Variants in TMEM200A observed in about 807,000 individuals in gnomAD.
The protein encoded by TMEM200A is transmembrane protein 200A.
A neutral mutation model predicts 24.3 loss-of-function variants in TMEM200A; 12 were observed. The ratio of observed to expected loss-of-function variants is 0.49; its 90% confidence interval spans 0.32 to 0.80. The LOEUF is 0.80. Ranked by LOEUF, TMEM200A falls within the 30% of genes least tolerant of loss-of-function variation. TMEM200A has a pLI of 0.04. For missense variants in TMEM200A, 545 were observed against 614.4 expected (o/e 0.89, Z 1.19); for synonymous variants, 224 against 224.4 (o/e 1.00, Z 0.02).
At position 130,440,997 on chromosome 6, in the gene TMEM200A, C is replaced by A. The variant is rs775314072; in HGVS notation, c.575C>A (p.Thr192Lys). 3.1e-6 allele frequency: 5 copies of A among 1,613,828 alleles called. No individual in the cohort carries two copies. In the Admixed American group the frequency reaches 8.3e-5, roughly 27 times the overall value. The change falls in exon 3 of 3, where the codon ACA (threonine) becomes AAA (lysine). Residue 192 changes from threonine (T) to lysine (K), a missense_variant. Thr to Lys is a moderately conservative substitution (Grantham distance 78). Transcript: ENST00000296978. ...NGMYTGLMGETEVKQNGSSCA... is the reference protein window; with the variant it reads ...NGMYTGLMGEKEVKQNGSSCA... ...ATGTACACTGGTTTGATGGGAGAAA[C>A]AGAAGTAAAACAGAATGGGAGCTCC... is the stretch of plus-strand genomic sequence containing the variant.
At chr6:130,414,763 T>C (rs1315258951) in intron 2 of TMEM200A, among the ~76,000 whole-genome samples, 1 of 152,212 alleles carries the variant, frequency 6.6e-6, no homozygotes. Flanking sequence ...ATTCAATAAA[T>C]GTCATTTGAA....
At chr6:130,403,608 CCTT>C (rs1051297660) in intron 2 of TMEM200A, among the ~76,000 whole-genome samples, 4 of 151,330 alleles carry the variant, frequency 2.6e-5, no homozygotes, top group Non-Finnish European at 4.4e-5. Context: ...TTGAGTAAAT[CCTT>C]CTTATTTCAG....
In TMEM200A at chr6:130,441,965, T is replaced by TTAAAG; in HGVS notation, c.*70_*74dup. 7.0e-7 allele frequency: 1 copy of TTAAAG among 1,430,094 alleles called. No individual in the cohort carries two copies. The highest frequency in any genetic ancestry group is 2.4e-5 in the East Asian group (1 of 42,484). The allele number at this position is 1,430,094 out of a possible 1,614,324, so 88.6% of individuals were successfully genotyped here. A position where few individuals can be genotyped will look rare whatever the true frequency, so the allele number is the denominator to read the frequency against. On this transcript the variant is annotated 3_prime_UTR_variant, in exon 3 of 3. Coordinates refer to ENST00000296978, the MANE Select transcript of TMEM200A (RefSeq NM_001258277.2). Reference sequence around the variant, plus strand: ...AACGATTTTCACTGGTGTTTCCTTCTTAAAGTATTGGCTGTAAGCCTTTTT... The same window carrying TTAAAG: ...AACGATTTTCACTGGTGTTTCCTTCTTAAAGTAAAGTATTGGCTGTAAGCCTTTTT...
intron 2 of TMEM200A, among the ~76,000 whole-genome samples, chr6:130,412,869 T>C (rs574305380): frequency 6.6e-6 from 1 of 152,320 alleles, no homozygotes; most frequent in African/African-American, 2.4e-5. Flanking sequence ...ATTTCTTAAA[T>C]GTCCTCATAT....
At chr6:130,372,682 G>T (rs565244103) in intron 1 of TMEM200A, among the ~76,000 whole-genome samples, 1 of 152,310 alleles carries the variant, frequency 6.6e-6, no homozygotes, top group South Asian at 2.1e-4. Flanking sequence ...AATAGAATGT[G>T]AGTGACATCA....
At chr6:130,432,586 C>T (rs1779904187) in intron 2 of TMEM200A, among the ~76,000 whole-genome samples, 1 of 152,164 alleles carries the variant, frequency 6.6e-6, no homozygotes, top group African/African-American at 2.4e-5. Flanking sequence ...TCATTAATTA[C>T]TTAGTATATT....
At chr6:130,419,643 A>G (rs1445185714) in intron 2 of TMEM200A, among the ~76,000 whole-genome samples, 5 of 152,276 alleles carry the variant, frequency 3.3e-5, no homozygotes, top group South Asian at 2.1e-4. Context: ...ATACAAACAC[A>G]TATCAATGTG....
intron 2 of TMEM200A, among the ~76,000 whole-genome samples, chr6:130,385,647 T>C (rs1406971807): frequency 6.6e-6 from 1 of 152,216 alleles, no homozygotes; most frequent in Non-Finnish European, 1.5e-5. Context: ...TTTTCTTTGC[T>C]CTTCTGTAAT....
chr6:130,412,289 GC>G (rs1301791965), intron 2 of TMEM200A, among the ~76,000 whole-genome samples: 2 of 151,554 alleles, frequency 1.3e-5, no homozygotes, highest in Non-Finnish European at 2.9e-5. Flanking sequence ...CCACTCACAG[GC>G]CCTCTCTGTG....
chr6:130,382,413 T>C (rs181473225), intron 1 of TMEM200A, among the ~76,000 whole-genome samples: 128 of 152,310 alleles, frequency 8.4e-4, no homozygotes, highest in Admixed American at 2.6e-3. Context: ...AAATCCTTGC[T>C]GGGGAGGCAT....
intron 1 of TMEM200A, chr6:130,381,850 G>T: frequency 1.1e-6 from 1 of 937,700 alleles, no homozygotes; most frequent in Non-Finnish European, 1.3e-6. Context: ...AGTAGAATTT[G>T]AGAAATTGCT....
intron 2 of TMEM200A, among the ~76,000 whole-genome samples, chr6:130,401,178 A>G (rs1445606609): frequency 6.6e-6 from 1 of 151,914 alleles, no homozygotes; most frequent in Non-Finnish European, 1.5e-5. Context: ...TCAGAGTGCC[A>G]CCTCACTGTA....
chr6:130,411,756 C>G (rs76529287), intron 2 of TMEM200A, among the ~76,000 whole-genome samples: 2,174 of 152,288 alleles, frequency 0.014, 71 homozygotes, highest in East Asian at 0.12. Context: ...GTGCTGTCTT[C>G]TCATTGTGTT....
intron 2 of TMEM200A, among the ~76,000 whole-genome samples, chr6:130,392,601 T>A (rs1778860730): frequency 6.6e-6 from 1 of 152,220 alleles, no homozygotes; most frequent in Non-Finnish European, 1.5e-5. Flanking sequence ...GTGTCTCCCA[T>A]CGCCTAGTAA....
intron 2 of TMEM200A, among the ~76,000 whole-genome samples, chr6:130,403,436 G>A (rs564402601): frequency 2.6e-5 from 4 of 151,780 alleles, no homozygotes; most frequent in African/African-American, 7.3e-5. Flanking sequence ...TTAACTTTGA[G>A]GTATTTTTAA....
chr6:130,392,528 T>C (rs1562555523), intron 2 of TMEM200A, among the ~76,000 whole-genome samples: 1 of 152,156 alleles, frequency 6.6e-6, no homozygotes, highest in Non-Finnish European at 1.5e-5. Flanking sequence ...CCTTTCCGCC[T>C]CCGGTTTCAC....
intron 1 of TMEM200A, among the ~76,000 whole-genome samples, chr6:130,375,518 A>G (rs1168724295): frequency 6.6e-6 from 1 of 152,228 alleles, no homozygotes; most frequent in African/African-American, 2.4e-5. Context: ...ACAAACAGGA[A>G]ACATATAAAT....
chr6:130,387,883 A>G (rs1778745630), intron 2 of TMEM200A, among the ~76,000 whole-genome samples: 1 of 152,196 alleles, frequency 6.6e-6, no homozygotes. Flanking sequence ...AGCTTTTAAA[A>G]TCCTGTTTGC....
chr6:130,427,298 T>C (rs892628845), intron 2 of TMEM200A, among the ~76,000 whole-genome samples: 6 of 152,234 alleles, frequency 3.9e-5, no homozygotes, highest in African/African-American at 1.4e-4. Context: ...ATGTTTGCCA[T>C]GAACAGAATT....
Sources: allele counts gnomAD v4.1 joint callset (sites outside exome capture counted in the v4.1 genomes callset), GRCh38; gene constraint gnomAD v4.1.1; transcripts MANE v1.5; gene names NCBI Gene and HGNC (gene_info 2026-07-23, HGNC 2026-07-21).